Variants in ITGAM observed in about 807,000 individuals in gnomAD.
The protein encoded by ITGAM is integrin alpha-M.
ITGAM carries 79 observed loss-of-function variants against 137.5 expected under a neutral mutation model. The observed-to-expected ratio is 0.57, with a 90% CI of 0.48 to 0.69. ITGAM has a LOEUF of 0.69. Among genes scored for constraint, ITGAM ranks in the 30% least tolerant of loss-of-function variants. The pLI, the probability that ITGAM is intolerant of heterozygous loss-of-function variation, is 0.00. For missense variants in ITGAM, 1,343 were observed against 1,483.5 expected, an observed-to-expected ratio of 0.91 and a Z score of 1.56; for synonymous variants, 583 against 592.3, an observed-to-expected ratio of 0.98 and a Z score of 0.23.
At chr16:31,317,616 A>G (rs1032623146) in intron 14 of ITGAM, among the ~76,000 whole-genome samples, 5 of 152,188 alleles carry the variant, frequency 3.3e-5, no homozygotes, top group Non-Finnish European at 7.3e-5. Context: ...TGTTATACCA[A>G]ATAAGCTAAG....
intron 23 of ITGAM, among the ~76,000 whole-genome samples, chr16:31,328,472 GTA>G (rs1459477612): frequency 1.3e-5 from 2 of 151,860 alleles, no homozygotes; most frequent in South Asian, 2.1e-4. Context: ...CTGCATGTGT[GTA>G]TGTGTGCATG....
chr16:31,306,904 A>C (rs1238384935), intron 14 of ITGAM, among the ~76,000 whole-genome samples: 1 of 152,286 alleles, frequency 6.6e-6, no homozygotes, highest in East Asian at 1.9e-4. Flanking sequence ...TAATATATGA[A>C]CACCCTTCAA....
At chr16:31,266,862 A>AC (rs2079774958) in intron 5 of ITGAM, among the ~76,000 whole-genome samples, 8 of 145,114 alleles carry the variant, frequency 5.5e-5, no homozygotes, top group Non-Finnish European at 9.1e-5. Context: ...GACTGTATGG[A>AC]TTTTTTTTTT....
At chr16:31,307,682 A>G (rs1391969013) in intron 14 of ITGAM, among the ~76,000 whole-genome samples, 1 of 152,064 alleles carries the variant, frequency 6.6e-6, no homozygotes, top group Non-Finnish European at 1.5e-5. Context: ...TTCCAACACT[A>G]TGTTGAATAG....
intron 12 of ITGAM, among the ~76,000 whole-genome samples, chr16:31,291,035 T>C (rs2080081897): frequency 6.6e-6 from 1 of 152,206 alleles, no homozygotes. Flanking sequence ...AACTTTATGC[T>C]GAAAACTACA....
rs375518277 is a variant in ITGAM, at chr16:31,260,674, G to A, written c.28+582G>A. 1.8e-4 allele frequency among the ~76,000 whole-genome samples: 27 copies of A among 152,316 alleles called. No individual in the cohort carries two copies. In the East Asian group the frequency reaches 4.4e-3, roughly 25 times the overall value. On this transcript the variant is annotated intron_variant, in intron 1 of 29. Coordinates refer to ENST00000544665, the MANE Select transcript of ITGAM (RefSeq NM_000632.4). ...GGCAAATCATCGTTGTGACACCGGG[G>A]GAAGAAGCCATTTAGGTGCTCAGAA...
At chr16:31,264,398 C>T (rs550821786) in intron 2 of ITGAM, among the ~76,000 whole-genome samples, 28 of 151,776 alleles carry the variant, frequency 1.8e-4, no homozygotes, top group African/African-American at 1.9e-4. Context: ...AGCAGTGAGC[C>T]GAGATTGCAC....
chr16:31,327,279 A>G (rs976478994), intron 22 of ITGAM, among the ~76,000 whole-genome samples: 1 of 152,180 alleles, frequency 6.6e-6, no homozygotes, highest in Non-Finnish European at 1.5e-5. Context: ...TGTTCAGAGA[A>G]GATTCCTAAA....
chr16:31,321,754 A>C, intron 16 of ITGAM, 127 bp downstream of exon 16: 3 of 950,918 alleles, frequency 3.2e-6, no homozygotes, highest in Non-Finnish European at 4.6e-6. Flanking sequence ...AACCTTCTCC[A>C]AGCCTTACCT....
At chr16:31,331,524 G>A in intron 29 of ITGAM, 112 bp from the exon 30 acceptor site, 1 of 285,922 alleles carries the variant, frequency 3.5e-6, no homozygotes, top group Non-Finnish European at 6.3e-6. Context: ...CTCCCGCCCC[G>A]CCCTCCTGGG....
chr16:31,309,979 C>T (rs1280916823), intron 14 of ITGAM, among the ~76,000 whole-genome samples: 3 of 151,902 alleles, frequency 2.0e-5, no homozygotes, highest in East Asian at 3.9e-4. Flanking sequence ...TGAATATTGG[C>T]CCCCACTCTC....
intron 1 of ITGAM, 103 bp from the exon 2 acceptor site, chr16:31,261,589 C>A: frequency 1.5e-6 from 1 of 681,750 alleles, no homozygotes. Flanking sequence ...ACAATCAGGG[C>A]TCAAGTGATC....
intron 12 of ITGAM, among the ~76,000 whole-genome samples, chr16:31,292,428 A>C (rs2080095722): frequency 6.6e-6 from 1 of 151,988 alleles, no homozygotes; most frequent in South Asian, 2.1e-4. Flanking sequence ...CTCCACCCTC[A>C]AGTAGACCCC....
chr16:31,261,033 T>A (rs1359108213), intron 1 of ITGAM, among the ~76,000 whole-genome samples: 1 of 152,132 alleles, frequency 6.6e-6, no homozygotes, highest in Non-Finnish European at 1.5e-5. Flanking sequence ...AGCCTCTTGG[T>A]CTGCAAAACC....
chr16:31,328,255 G>A, intron 23 of ITGAM, 25 bp downstream of exon 23: 1 of 1,572,054 alleles, frequency 6.4e-7, no homozygotes, highest in African/African-American at 1.3e-5. Flanking sequence ...GACTTTAGCT[G>A]AGCCTCCACT....
chr16:31,323,347 A>G (rs1037742013), intron 16 of ITGAM, among the ~76,000 whole-genome samples: 1 of 151,008 alleles, frequency 6.6e-6, no homozygotes, highest in Non-Finnish European at 1.5e-5. Context: ...GGAGAATTGA[A>G]CCTGGGAGGC....
chr16:31,321,157 G>A (rs2080444996), intron 14 of ITGAM, 84 bp from the exon 15 acceptor site: 1 of 1,494,916 alleles, frequency 6.7e-7, no homozygotes, highest in Non-Finnish European at 9.2e-7. Context: ...GAGAACCTCT[G>A]TCTGGGCCAT....
intron 14 of ITGAM, among the ~76,000 whole-genome samples, chr16:31,314,785 G>C (rs964484365): frequency 1.3e-5 from 2 of 151,462 alleles, no homozygotes; most frequent in Non-Finnish European, 2.9e-5. Flanking sequence ...TACAGCAAAC[G>C]GTTAGGCTGT....
chr16:31,295,355 G>A (rs1392334283), intron 12 of ITGAM, among the ~76,000 whole-genome samples: 1 of 151,690 alleles, frequency 6.6e-6, no homozygotes, highest in Non-Finnish European at 1.5e-5. Context: ...ATTTATTTTT[G>A]TCTTGTTTAA....
Sources: gnomAD v4.1 joint callset for allele counts (sites outside exome capture counted in the v4.1 genomes callset) on GRCh38, gnomAD v4.1.1 for gene constraint, MANE v1.5 for transcripts, NCBI Gene and HGNC (gene_info 2026-07-23, HGNC 2026-07-21) for gene names.